The following ZFHX3 variants were observed in gnomAD, a reference collection of about 807,000 sequenced individuals.
The protein encoded by ZFHX3 is zinc finger homeobox 3, also known as zinc finger homeobox protein 3.
ZFHX3 carries 42 observed loss-of-function variants against 279.1 expected under a neutral mutation model. That is an observed-to-expected ratio of 0.15 (90% CI 0.12 to 0.19). The LOEUF (loss-of-function observed/expected upper bound fraction) is 0.19, where lower values mean the gene tolerates loss of function less well. ZFHX3 is among the 10% of genes least tolerant of loss of function. The pLI, the probability that ZFHX3 is intolerant of heterozygous loss-of-function variation, is 1.00. For synonymous variants in ZFHX3, 2,293 were observed against 1,957.8 expected, an observed-to-expected ratio of 1.17 and a Z score of -4.52; for missense variants, 4,981 against 4,754.0, an observed-to-expected ratio of 1.05 and a Z score of -1.40.
chr16:73,497,335 C>G (rs945981781), intron 2 of ZFHX3, among the ~76,000 whole-genome samples: 2 of 152,184 alleles, frequency 1.3e-5, no homozygotes, highest in South Asian at 2.1e-4. Context: ...GCTTGATTTT[C>G]TCTTCCTCTT....
chr16:73,621,742 A>G (rs1204588318), intron 2 of ZFHX3, among the ~76,000 whole-genome samples: 1 of 152,214 alleles, frequency 6.6e-6, no homozygotes, highest in East Asian at 1.9e-4. Flanking sequence ...TATTCTTGGT[A>G]ATGCCAAGAG....
At chr16:73,489,537 T>G (rs1422185411) in intron 2 of ZFHX3, among the ~76,000 whole-genome samples, 4 of 152,364 alleles carry the variant, frequency 2.6e-5, no homozygotes, top group African/African-American at 7.2e-5. Flanking sequence ...TATTACCTGA[T>G]GCATTAGATC....
chr16:73,332,870 G>C (rs1012390659), intron 3 of ZFHX3, among the ~76,000 whole-genome samples: 1 of 152,208 alleles, frequency 6.6e-6, no homozygotes, highest in Non-Finnish European at 1.5e-5. Flanking sequence ...GTGAAGACTA[G>C]TGATTTTCTA....
chr16:73,617,970 T>C (rs757735985), intron 2 of ZFHX3, among the ~76,000 whole-genome samples: 1 of 152,176 alleles, frequency 6.6e-6, no homozygotes, highest in Non-Finnish European at 1.5e-5. Flanking sequence ...GCTCTGCACA[T>C]TGGCCTACAC....
chr16:73,255,315 G>C (rs567987686), intron 5 of ZFHX3, among the ~76,000 whole-genome samples: 1 of 152,316 alleles, frequency 6.6e-6, no homozygotes, highest in East Asian at 1.9e-4. Context: ...AAGTTATGCT[G>C]TTCTAGAAAC....
At chr16:73,008,610 G>A (rs1963800449) in intron 1 of ZFHX3, among the ~76,000 whole-genome samples, 1 of 152,186 alleles carries the variant, frequency 6.6e-6, no homozygotes, top group Admixed American at 6.5e-5. Flanking sequence ...GGAAGAGGAT[G>A]TTAAGTCTCT....
At chr16:72,804,632 G>C (rs897811879) in intron 7 of ZFHX3, among the ~76,000 whole-genome samples, 1 of 152,162 alleles carries the variant, frequency 6.6e-6, no homozygotes, top group African/African-American at 2.4e-5. Flanking sequence ...TATGAGGTGA[G>C]TGGACCCTAA....
intron 3 of ZFHX3, among the ~76,000 whole-genome samples, chr16:73,365,314 C>A (rs917892178): frequency 6.6e-6 from 1 of 152,190 alleles, no homozygotes; most frequent in South Asian, 2.1e-4. Context: ...CAGACGAGAG[C>A]TGGTGCCCAC....
chr16:73,592,067 A>G (rs979725200), intron 2 of ZFHX3, among the ~76,000 whole-genome samples: 4 of 137,544 alleles, frequency 2.9e-5, no homozygotes, highest in Non-Finnish European at 6.7e-5. Flanking sequence ...CCCTGTCTCT[A>G]CTAAAAATAC....
In ZFHX3 at chr16:72,787,553, A is replaced by T. The variant is rs779560982; in HGVS notation, c.10723T>A (p.Ser3575Thr). Residue 3575 changes from serine to threonine, a missense_variant, in exon 10 of 10, where the codon TCT becomes ACT. Around this residue, in one of 7 missense-constraint regions of ZFHX3, gnomAD observed 1,034 missense variants for 786.0 expected, o/e 1.32. Transcript: ENST00000268489. ...GTGCTAGGATCGGGGAAGCAGGCAG[A>T]GTGAGGTAATAAACTAGGGTGCTCT... Reference protein sequence around the residue: ...AKEHPSLLPHSACFPDPSTAS... With the variant: ...AKEHPSLLPHTACFPDPSTAS... The T allele has an allele frequency of 4.3e-6, 7 of 1,613,976 alleles. 1 individual carries two copies. The South Asian group carries it at 7.7e-5, about 18-fold the overall frequency.
intron 1 of ZFHX3, among the ~76,000 whole-genome samples, chr16:72,990,007 G>A (rs1407572065): frequency 3.3e-5 from 5 of 152,170 alleles, no homozygotes; most frequent in African/African-American, 7.2e-5. Flanking sequence ...CAGCCAATTC[G>A]CTGGCCCTCT....
At chr16:73,779,037 C>G (rs1223027148) in intron 1 of ZFHX3, among the ~76,000 whole-genome samples, 2 of 152,194 alleles carry the variant, frequency 1.3e-5, no homozygotes, top group Non-Finnish European at 1.5e-5. Context: ...GTGTCCCCAG[C>G]TCCGCCCTAG....
chr16:73,638,966 A>G (rs1485911384), intron 2 of ZFHX3, among the ~76,000 whole-genome samples: 3 of 152,188 alleles, frequency 2.0e-5, no homozygotes, highest in Non-Finnish European at 4.4e-5. Flanking sequence ...AAGAGAAGAG[A>G]GAAGCAAAAG....
intron 1 of ZFHX3, among the ~76,000 whole-genome samples, chr16:73,695,991 A>ACTTGT (rs1364626156): frequency 6.6e-6 from 1 of 152,186 alleles, no homozygotes; most frequent in Non-Finnish European, 1.5e-5. Context: ...ACTTGTCCTG[A>ACTTGT]CTATAATTTG....
intron 2 of ZFHX3, among the ~76,000 whole-genome samples, chr16:73,478,302 A>G (rs566646815): frequency 4.0e-5 from 6 of 148,536 alleles, no homozygotes; most frequent in East Asian, 4.1e-4. Context: ...ATTAGGTACT[A>G]AAAGCCATAT....
chr16:73,332,924 T>C (rs73587775), intron 3 of ZFHX3, among the ~76,000 whole-genome samples: 2,723 of 152,280 alleles, frequency 0.018, 102 homozygotes, highest in African/African-American at 0.062. Flanking sequence ...GGTTGCTCTC[T>C]TGTACTTCCC....
chr16:73,055,693 C>T (rs1300768616), intron 1 of ZFHX3, among the ~76,000 whole-genome samples: 3 of 121,548 alleles, frequency 2.5e-5, no homozygotes, highest in South Asian at 5.4e-4. Flanking sequence ...CGCGCGCGCG[C>T]GCGCGCACAC....
chr16:73,841,608 C>T lies in ZFHX3; in HGVS notation c.-1608+50043G>A, dbSNP rs192471091. ...CATGGCCACAAGAGGGTCCCCAGTG[C>T]ACGGACCACTATCTCCTCCCCAAGA... On this transcript the variant is annotated intron_variant, in intron 1 of 17. Transcript: ENST00000641206. 1.6e-3 allele frequency among the ~76,000 whole-genome samples: 243 copies of T among 152,236 alleles called. 1 individual carries two copies. The highest frequency in any genetic ancestry group is 5.1e-3 in the African/African-American group (213 of 41,550).
intron 4 of ZFHX3, among the ~76,000 whole-genome samples, chr16:72,876,504 C>T (rs7190473): frequency 0.03 from 4,505 of 152,084 alleles, 124 homozygotes; most frequent in East Asian, 0.076. Context: ...AGGCATCGCC[C>T]GTTGGAAAGT....
Sources: gnomAD v4.1 joint callset for allele counts (sites outside exome capture counted in the v4.1 genomes callset) on GRCh38, gnomAD v4.1.1 for gene constraint, gnomAD v4.1.1 regional missense constraint, MANE v1.5 for transcripts, NCBI Gene and HGNC (gene_info 2026-07-23, HGNC 2026-07-21) for gene names.